The following CAMK2N1 variants were observed in gnomAD, a reference collection of about 807,000 sequenced individuals.
CAMK2N1 encodes calcium/calmodulin-dependent protein kinase II inhibitor 1.
CAMK2N1 carries 2 observed loss-of-function variants against 6.4 expected under a neutral mutation model. That is an observed-to-expected ratio of 0.31 (90% CI 0.13 to 0.98). The LOEUF is 0.98. CAMK2N1 is among the 50% of genes least tolerant of loss of function. CAMK2N1 has a pLI of 0.51. For missense variants in CAMK2N1, 77 were observed against 107.3 expected (o/e 0.72, Z 1.25); for synonymous variants, 42 against 47.5 (o/e 0.88, Z 0.47).
rs1235469962 is a variant in CAMK2N1, at chr1:20,485,454, C to A, written c.-75G>T. The A allele has an allele frequency of 1.9e-5, 21 of 1,083,006 alleles. No homozygotes were observed. Among genetic ancestry groups the A allele is most frequent in the Non-Finnish European group, 2.3e-6 (2 of 888,580 alleles). 67.1% of individuals were successfully genotyped at this position (1,083,006 alleles called of 1,614,324 possible). A position where few individuals can be genotyped will look rare whatever the true frequency, so the allele number is the denominator to read the frequency against. On this transcript the variant is annotated 5_prime_UTR_variant, in exon 1 of 2. Coordinates refer to ENST00000375078, the MANE Select transcript of CAMK2N1 (RefSeq NM_018584.6). This position sits in a 1 kb window ranked among gnomAD's most constrained non-coding sequence, Gnocchi z 8.4. ...CCCGCGGCGGACAGGGTCAGCGGCG[C>A]TGGGGCCGGGGGCGGCCGGCCGGGG...
Position 20,485,628 on chromosome 1 carries a change from C to A in CAMK2N1, c.-249G>T. 1.3e-5 allele frequency: 2 copies of A among 150,344 alleles called. No individual in the cohort carries two copies. The highest frequency in any genetic ancestry group is 3.9e-4 in the South Asian group (2 of 5,112). The allele number at this position is 150,344 out of a possible 1,614,324, so 9.3% of individuals were successfully genotyped here. ...GCTCCGCGCGCGAGTGGCTGCTGCT[C>A]CGCCAGAGGCGAGCAGGACTCACAT... is the stretch of plus-strand genomic sequence containing the variant. On this transcript the variant is annotated 5_prime_UTR_variant, in exon 1 of 2. Coordinates refer to ENST00000375078, the MANE Select transcript of CAMK2N1 (RefSeq NM_018584.6). This position sits in a 1 kb window ranked among gnomAD's most constrained non-coding sequence, Gnocchi z 8.4.
At chr1:20,483,903 A>G (rs1237814087) in intron 1 of CAMK2N1, among the ~76,000 whole-genome samples, 184 bp from the exon 2 acceptor site, 2 of 151,992 alleles carry the variant, frequency 1.3e-5, no homozygotes, top group Non-Finnish European at 2.9e-5. Context: ...CTTTCCTCTG[A>G]ACCACCCACC....
Position 20,483,533 on chromosome 1 carries a change from C to CATCGTGGGTAGCAAGCTAGTAATAAATT in CAMK2N1, c.*88_*115dup. The CATCGTGGGTAGCAAGCTAGTAATAAATT allele has an allele frequency of 1.1e-6, 1 of 890,232 alleles. No individual in the cohort carries two copies. The highest frequency in any genetic ancestry group is 1.8e-6 in the Non-Finnish European group (1 of 540,598). 55.1% of individuals were successfully genotyped at this position (890,232 alleles called of 1,614,324 possible). A position where few individuals can be genotyped will look rare whatever the true frequency, so the allele number is the denominator to read the frequency against. ...GATACCAGATACAGGTTGTTGATTT[C>CATCGTGGGTAGCAAGCTAGTAATAAATT]ATCGTGGGTAGCAAGCTAGTAATAA... On this transcript the variant is annotated 3_prime_UTR_variant, in exon 2 of 2. Transcript: ENST00000375078.
chr1:20,485,491 G>T lies in CAMK2N1; in HGVS notation c.-112C>A. 1 of 765,564 alleles carries T rather than the reference G, an allele frequency of 1.3e-6. No homozygotes were observed. Among genetic ancestry groups the T allele is most frequent in the Non-Finnish European group, 1.6e-6 (1 of 630,512 alleles). 47.4% of individuals were successfully genotyped at this position (765,564 alleles called of 1,614,324 possible). ...GCGGCCGGCCGGGGACGGCCCGCGG[G>T]CTGCTGCGGCGGTGGCGCCGGCGAG... On this transcript the variant is annotated 5_prime_UTR_variant, in exon 1 of 2. Coordinates refer to ENST00000375078, the MANE Select transcript of CAMK2N1 (RefSeq NM_018584.6). The surrounding 1 kb of genome is among the most constrained non-coding windows in gnomAD (Gnocchi z 8.4).
Position 20,485,471 on chromosome 1 carries a change from C to A in CAMK2N1, c.-92G>T, listed in dbSNP as rs2051503714. The stretch of plus-strand genomic sequence containing the variant: ...CAGCGGCGCTGGGGCCGGGGGCGGC[C>A]GGCCGGGGACGGCCCGCGGGCTGCT... On this transcript the variant is annotated 5_prime_UTR_variant, in exon 1 of 2. Transcript: ENST00000375078. The surrounding 1 kb of genome is among the most constrained non-coding windows in gnomAD (Gnocchi z 8.4). 1.1e-6 allele frequency: 1 copy of A among 872,542 alleles called. No homozygotes were observed. The highest frequency in any genetic ancestry group is 1.4e-6 in the Non-Finnish European group (1 of 725,488). 54.0% of individuals were successfully genotyped at this position (872,542 alleles called of 1,614,324 possible). A position where few individuals can be genotyped will look rare whatever the true frequency, so the allele number is the denominator to read the frequency against.
chr1:20,482,784 TAAAC>T lies in CAMK2N1; in HGVS notation c.*861_*864del, dbSNP rs2051478110. 6.6e-6 allele frequency: 1 copy of T among 151,858 alleles called. No individual in the cohort carries two copies. Among genetic ancestry groups the T allele is most frequent in the Admixed American group, 6.6e-5 (1 of 15,242 alleles). 9.4% of individuals were successfully genotyped at this position (151,858 alleles called of 1,614,324 possible). A position where few individuals can be genotyped will look rare whatever the true frequency, so the allele number is the denominator to read the frequency against. On this transcript the variant is annotated 3_prime_UTR_variant, in exon 2 of 2. Coordinates refer to ENST00000375078, the MANE Select transcript of CAMK2N1 (RefSeq NM_018584.6). Reference sequence around the variant, plus strand: ...ATAAACTGACATAATATTAGAGAAATAAACAGGCTGCTCACACAACAGACTGCAA... The same window carrying T: ...ATAAACTGACATAATATTAGAGAAATAGGCTGCTCACACAACAGACTGCAA...
In CAMK2N1 at chr1:20,483,640, T is replaced by C. The variant is rs1032453270; in HGVS notation, c.*9A>G. ...TATTCTCTCCCTTAACTCATTGTCT[T>C]TGGGGGAGTTAGACACCAGGAGGTG... On this transcript the variant is annotated 3_prime_UTR_variant, in exon 2 of 2. Coordinates refer to ENST00000375078, the MANE Select transcript of CAMK2N1 (RefSeq NM_018584.6). 4 of 1,608,758 alleles carry C rather than the reference T, an allele frequency of 2.5e-6. No individual in the cohort carries two copies. In the Admixed American group the frequency reaches 5.0e-5, roughly 20 times the overall value.
chr1:20,483,810 G>A, intron 1 of CAMK2N1, 91 bp from the exon 2 acceptor site: 2 of 1,187,758 alleles, frequency 1.7e-6, no homozygotes, highest in Non-Finnish European at 2.5e-6. Context: ...GTGGGAGGTC[G>A]GGAGAGGAGA....
At position 20,484,171 on chromosome 1, in the gene CAMK2N1, G is replaced by C. The variant is rs983470776; in HGVS notation, c.167-452C>G. On this transcript the variant is annotated intron_variant, in intron 1 of 1. Transcript: ENST00000375078. The surrounding 1 kb of genome is among the most constrained non-coding windows in gnomAD (Gnocchi z 6.8). ...TGCGGAGATGAGCGGAACCAGGAGG[G>C]GACGCCAAAACCGGTTCCCACGACG... Among the ~76,000 whole-genome samples the C allele has an allele frequency of 1.3e-5, 2 of 152,174 alleles. No homozygotes were observed. Among genetic ancestry groups the C allele is most frequent in the Non-Finnish European group, 2.9e-5 (2 of 68,014 alleles).
chr1:20,483,599 C>G lies in CAMK2N1; in HGVS notation c.*50G>C. ...CTCTTTTCATGCTTTTTGCCAATAA[C>G]TGTTACCGCCGTTCTTATTCTCTCC... On this transcript the variant is annotated 3_prime_UTR_variant, in exon 2 of 2. Coordinates refer to ENST00000375078, the MANE Select transcript of CAMK2N1 (RefSeq NM_018584.6). The G allele has an allele frequency of 3.3e-6, 5 of 1,499,594 alleles. No individual in the cohort carries two copies. In the South Asian group the frequency reaches 4.5e-5, roughly 14 times the overall value. 92.9% of individuals were successfully genotyped at this position (1,499,594 alleles called of 1,614,324 possible).
At position 20,485,501 on chromosome 1, in the gene CAMK2N1, CGGT is replaced by C; in HGVS notation, c.-125_-123del. 1 of 669,148 alleles carries C rather than the reference CGGT, an allele frequency of 1.5e-6. No individual in the cohort carries two copies. The highest frequency in any genetic ancestry group is 1.8e-6 in the Non-Finnish European group (1 of 543,258). 41.5% of individuals were successfully genotyped at this position (669,148 alleles called of 1,614,324 possible). ...GGGGACGGCCCGCGGGCTGCTGCGG[CGGT>C]GGCGCCGGCGAGAGGCCGGGGGACG... On this transcript the variant is annotated 5_prime_UTR_variant, in exon 1 of 2. Coordinates refer to ENST00000375078, the MANE Select transcript of CAMK2N1 (RefSeq NM_018584.6). The surrounding 1 kb of genome is among the most constrained non-coding windows in gnomAD (Gnocchi z 8.4).
rs1477059940 is a variant in CAMK2N1, at chr1:20,484,961, C to T, written c.166+253G>A. On this transcript the variant is annotated intron_variant, in intron 1 of 1. Coordinates refer to ENST00000375078, the MANE Select transcript of CAMK2N1 (RefSeq NM_018584.6). The surrounding 1 kb of genome is among the most constrained non-coding windows in gnomAD (Gnocchi z 6.8). ...GCGCAAATCAAAAAGCAAACTTTGC[C>T]GCGCGGGTGGAGACCCCCAGCTGCT... 1.3e-5 allele frequency among the ~76,000 whole-genome samples: 2 copies of T among 152,148 alleles called. No homozygotes were observed. Among genetic ancestry groups the T allele is most frequent in the South Asian group, 4.1e-4 (2 of 4,824 alleles).
rs1424274980 is a variant in CAMK2N1, at chr1:20,485,176, GA to G, written c.166+37del. 9.6e-6 allele frequency: 15 copies of G among 1,565,054 alleles called. No homozygotes were observed. Among genetic ancestry groups the G allele is most frequent in the East Asian group, 2.4e-5 (1 of 41,682 alleles). ...AACCCTTGTTCAGGCCGCGGCGCGG[GA>G]AAAAGGGGGTGTCAGACAAGGGGGC... On this transcript the variant is annotated intron_variant, in intron 1 of 1. Transcript: ENST00000375078. This position sits in a 1 kb window ranked among gnomAD's most constrained non-coding sequence, Gnocchi z 8.4.
rs1184850220 is a variant in CAMK2N1 at position 20,485,567 on chromosome 1, C to G, written c.-188G>C. 5.3e-6 allele frequency: 1 copy of G among 190,398 alleles called. No homozygotes were observed. Among genetic ancestry groups the G allele is most frequent in the East Asian group, 1.9e-4 (1 of 5,254 alleles). 11.8% of individuals were successfully genotyped at this position (190,398 alleles called of 1,614,324 possible). A position where few individuals can be genotyped will look rare whatever the true frequency, so the allele number is the denominator to read the frequency against. ...GAGCGCGGCACTCGCGCGAGCGGCC[C>G]GGAGAGCGCCCGCGGCTGCGCTGCG... On this transcript the variant is annotated 5_prime_UTR_variant, in exon 1 of 2. Coordinates refer to ENST00000375078, the MANE Select transcript of CAMK2N1 (RefSeq NM_018584.6). This position sits in a 1 kb window ranked among gnomAD's most constrained non-coding sequence, Gnocchi z 8.4.
intron 1 of CAMK2N1, 122 bp from the exon 2 acceptor site, chr1:20,483,841 C>T: frequency 1.2e-6 from 1 of 842,274 alleles, no homozygotes; most frequent in Non-Finnish European, 2.0e-6. Context: ...GCAGGGCTCA[C>T]TGCGCGGTGA....
At position 20,482,547 on chromosome 1, in the gene CAMK2N1, A is replaced by T. The variant is rs1423973309; in HGVS notation, c.*1102T>A. On this transcript the variant is annotated 3_prime_UTR_variant, in exon 2 of 2. Transcript: ENST00000375078. The stretch of plus-strand genomic sequence containing the variant: ...AAAGTTGCAAACAAAAAATGGTAAA[A>T]GATTTCCTCACGCAAGAGGCATTTT... 1 of 152,608 alleles carries T rather than the reference A, an allele frequency of 6.6e-6. No homozygotes were observed. Among genetic ancestry groups the T allele is most frequent in the Non-Finnish European group, 1.5e-5 (1 of 68,026 alleles). 9.5% of individuals were successfully genotyped at this position (152,608 alleles called of 1,614,324 possible). A position where few individuals can be genotyped will look rare whatever the true frequency, so the allele number is the denominator to read the frequency against.
intron 1 of CAMK2N1, among the ~76,000 whole-genome samples, 197 bp from the exon 2 acceptor site, chr1:20,483,916 C>G (rs944954362): frequency 2.0e-5 from 3 of 152,176 alleles, no homozygotes; most frequent in Admixed American, 2.0e-4. Context: ...CACCCACCAC[C>G]CTCTATCCTC....
chr1:20,484,286 C>G lies in CAMK2N1; in HGVS notation c.167-567G>C, dbSNP rs567347784. ...CGCTGGCCGACTGACTCGGCCGCCCCGCGCTCCCCGCTGCCGCAGAGGTCA... is the reference window on the plus strand; with the variant it reads ...CGCTGGCCGACTGACTCGGCCGCCCGGCGCTCCCCGCTGCCGCAGAGGTCA... On this transcript the variant is annotated intron_variant, in intron 1 of 1. Coordinates refer to ENST00000375078, the MANE Select transcript of CAMK2N1 (RefSeq NM_018584.6). This position sits in a 1 kb window ranked among gnomAD's most constrained non-coding sequence, Gnocchi z 6.8. The G allele has an allele frequency of 6.5e-6, 1 of 153,372 alleles. No individual in the cohort carries two copies. Among genetic ancestry groups the G allele is most frequent in the Admixed American group, 6.5e-5 (1 of 15,364 alleles). 9.5% of individuals were successfully genotyped at this position (153,372 alleles called of 1,614,324 possible).
intron 1 of CAMK2N1, 44 bp from the exon 2 acceptor site, chr1:20,483,763 T>G: frequency 6.5e-7 from 1 of 1,533,392 alleles, no homozygotes. Flanking sequence ...CGCTGGGGCC[T>G]AGCCAGAGGT....
Sources: allele counts gnomAD v4.1 joint callset (sites outside exome capture counted in the v4.1 genomes callset), GRCh38; gene constraint gnomAD v4.1.1; non-coding constraint Gnocchi (gnomAD v3.1); transcripts MANE v1.5; gene names NCBI Gene and HGNC (gene_info 2026-07-23, HGNC 2026-07-21).